PLCE1: variants seen among roughly 807,000 people sequenced by gnomAD.
PLCE1 encodes the protein phospholipase C epsilon 1.
In PLCE1, 119 loss-of-function variants were observed where a neutral mutation model predicts 242.8. The observed-to-expected ratio is 0.49, with a 90% confidence interval of 0.42 to 0.57. The LOEUF is 0.57. Among genes scored for constraint, PLCE1 ranks in the 20% least tolerant of loss-of-function variants. PLCE1 has a pLI of 0.00. For synonymous variants in PLCE1, 945 were observed against 1,017.4 expected (o/e 0.93, Z 1.35); for missense variants, 2,441 against 2,788.8 (o/e 0.88, Z 2.81).
intron 2 of PLCE1, among the ~76,000 whole-genome samples, chr10:94,033,929 G>A (rs764116193): frequency 2.6e-5 from 4 of 151,918 alleles, no homozygotes; most frequent in Non-Finnish European, 4.4e-5. Context: ...CATCATCATT[G>A]TATTAGTCTG....
chr10:94,324,763 G>T, intron 31 of PLCE1, 129 bp from the exon 32 acceptor site: 1 of 1,028,300 alleles, frequency 9.7e-7, no homozygotes, highest in African/African-American at 1.6e-5. Context: ...AGTCCTAGAG[G>T]GGAGCTCCTC....
intron 20 of PLCE1, chr10:94,280,527 T>G (rs2133267564): frequency 6.5e-6 from 1 of 153,296 alleles, no homozygotes; most frequent in African/African-American, 2.4e-5. Flanking sequence ...ACATGAGAAT[T>G]AGGTTTTCAG....
chr10:94,308,203 A>C (rs2053270172), intron 26 of PLCE1, among the ~76,000 whole-genome samples: 1 of 152,216 alleles, frequency 6.6e-6, no homozygotes, highest in East Asian at 1.9e-4. Context: ...AATTATAACC[A>C]ATCTTCCATT....
chr10:94,241,959 T>C (rs2050520740), intron 7 of PLCE1, among the ~76,000 whole-genome samples: 1 of 152,174 alleles, frequency 6.6e-6, no homozygotes, highest in Non-Finnish European at 1.5e-5. Flanking sequence ...TGTTATCTTA[T>C]TTGATCTTCA....
At chr10:94,320,191 T>C (rs999701158) in intron 29 of PLCE1, among the ~76,000 whole-genome samples, 3 of 152,110 alleles carry the variant, frequency 2.0e-5, no homozygotes, top group Admixed American at 1.3e-4. Flanking sequence ...ATTAAGCAAG[T>C]TGTAAAACAG....
intron 28 of PLCE1, among the ~76,000 whole-genome samples, chr10:94,314,516 C>T (rs532293170): frequency 6.6e-5 from 10 of 152,138 alleles, no homozygotes; most frequent in Non-Finnish European, 1.5e-4. Context: ...ATCATTTGAA[C>T]CCAGGAGGCA....
intron 2 of PLCE1, among the ~76,000 whole-genome samples, chr10:94,033,414 C>T (rs558665053): frequency 6.6e-6 from 1 of 152,122 alleles, no homozygotes; most frequent in East Asian, 1.9e-4. Flanking sequence ...ATATCAATAA[C>T]ATTTTAGGAT....
At chr10:94,314,183 C>T (rs900104555) in intron 28 of PLCE1, among the ~76,000 whole-genome samples, 4 of 152,200 alleles carry the variant, frequency 2.6e-5, no homozygotes, top group African/African-American at 9.7e-5. Flanking sequence ...GGCATGTCCT[C>T]CAAAGGGCGA....
intron 3 of PLCE1, 111 bp from the exon 4 acceptor site, chr10:94,171,069 G>A: frequency 1.1e-6 from 1 of 905,364 alleles, no homozygotes; most frequent in Non-Finnish European, 1.8e-6. Context: ...TCTTCACTAA[G>A]CAGAGGATTT....
chr10:94,142,676 T>C (rs1172857396), intron 3 of PLCE1, among the ~76,000 whole-genome samples: 1 of 152,206 alleles, frequency 6.6e-6, no homozygotes, highest in Non-Finnish European at 1.5e-5. Context: ...CATCTTGAAA[T>C]GCCAGCATTC....
chr10:94,014,251 C>A (rs763035691), intron 1 of PLCE1, among the ~76,000 whole-genome samples: 1 of 152,082 alleles, frequency 6.6e-6, no homozygotes, highest in African/African-American at 2.4e-5. Context: ...AGGTTAGGAT[C>A]CTGCCATCTT....
intron 2 of PLCE1, among the ~76,000 whole-genome samples, chr10:94,114,085 G>A (rs1181291588): frequency 6.6e-6 from 1 of 152,180 alleles, no homozygotes; most frequent in African/African-American, 2.4e-5. Context: ...ATGACCTAGG[G>A]AAATTGAAAA....
chr10:94,266,680 A>T (rs1380562144), intron 16 of PLCE1, among the ~76,000 whole-genome samples: 1 of 152,108 alleles, frequency 6.6e-6, no homozygotes, highest in Non-Finnish European at 1.5e-5. Flanking sequence ...CAGGCAGGGA[A>T]TATAAGTGTG....
At chr10:94,046,883 A>AAGAT (rs1484191743) in intron 2 of PLCE1, among the ~76,000 whole-genome samples, 4 of 152,218 alleles carry the variant, frequency 2.6e-5, no homozygotes, top group Non-Finnish European at 4.4e-5. Context: ...TATACGTTGA[A>AAGAT]TGTTAACATA....
intron 2 of PLCE1, among the ~76,000 whole-genome samples, chr10:94,063,321 G>A (rs2044112229): frequency 6.6e-6 from 1 of 152,136 alleles, no homozygotes; most frequent in Non-Finnish European, 1.5e-5. Context: ...TCTGAGAGTG[G>A]ATGATTGAAC....
intron 2 of PLCE1, among the ~76,000 whole-genome samples, chr10:94,036,608 T>A (rs1017213060): frequency 6.6e-6 from 1 of 152,148 alleles, no homozygotes; most frequent in African/African-American, 2.4e-5. Flanking sequence ...CTATCCCTTA[T>A]CCAGTTACAG....
intron 2 of PLCE1, among the ~76,000 whole-genome samples, chr10:94,045,110 C>T (rs1042518980): frequency 2.0e-5 from 3 of 152,046 alleles, no homozygotes; most frequent in African/African-American, 7.2e-5. Context: ...AAGCAGTCCT[C>T]CTGCTTCAGC....
intron 2 of PLCE1, among the ~76,000 whole-genome samples, chr10:94,055,611 C>T (rs1360720157): frequency 6.6e-6 from 1 of 152,184 alleles, no homozygotes; most frequent in Non-Finnish European, 1.5e-5. Flanking sequence ...AATCACGGTG[C>T]CTAGCTGTTG....
intron 3 of PLCE1, among the ~76,000 whole-genome samples, chr10:94,160,207 A>G (rs533287808): frequency 1.3e-5 from 2 of 152,242 alleles, no homozygotes; most frequent in South Asian, 4.1e-4. Context: ...AACTTCCACA[A>G]TGGTTGAACT....
Sources: allele counts gnomAD v4.1 joint callset (sites outside exome capture counted in the v4.1 genomes callset), GRCh38; gene constraint gnomAD v4.1.1; transcripts MANE v1.5; gene names NCBI Gene and HGNC (gene_info 2026-07-23, HGNC 2026-07-21).